SEL1L3: variants seen among roughly 807,000 people sequenced by gnomAD.
The protein encoded by SEL1L3 is protein sel-1 homolog 3.
A neutral mutation model predicts 142.8 loss-of-function variants in SEL1L3; 76 were observed. That is an observed-to-expected ratio of 0.53 (90% confidence interval 0.44 to 0.64). The LOEUF is 0.64. Ranked by LOEUF, SEL1L3 falls within the 30% of genes least tolerant of loss-of-function variation. The pLI, the probability that SEL1L3 is intolerant of heterozygous loss-of-function variation, is 0.00. For synonymous variants in SEL1L3, 504 were observed against 519.6 expected (o/e 0.97, Z 0.41); for missense variants, 1,262 against 1,381.7 (o/e 0.91, Z 1.37).
At chr4:25,745,272 G>C (rs1560268589), downstream of SEL1L3, among the ~76,000 whole-genome samples, 1 of 152,096 alleles carries the variant, frequency 6.6e-6, no homozygotes, top group Non-Finnish European at 1.5e-5. Context: ...GCACATGCCT[G>C]TAATCCCAGC....
At chr4:25,800,809 A>G (rs1227525081) in intron 11 of SEL1L3, among the ~76,000 whole-genome samples, 1 of 152,260 alleles carries the variant, frequency 6.6e-6, no homozygotes, top group Non-Finnish European at 1.5e-5. Context: ...TAGAATGCCT[A>G]CATAGACAGC....
chr4:25,837,397 A>T (rs1307709685), intron 2 of SEL1L3, among the ~76,000 whole-genome samples: 1 of 149,768 alleles, frequency 6.7e-6, no homozygotes, highest in African/African-American at 2.5e-5. Context: ...AATTAAAAAA[A>T]AAAGCTTCAT....
intron 1 of SEL1L3, among the ~76,000 whole-genome samples, chr4:25,853,907 G>T (rs1184522343): frequency 2.0e-5 from 3 of 151,988 alleles, no homozygotes; most frequent in African/African-American, 7.2e-5. Flanking sequence ...CCTGACCTCA[G>T]GTGATCCACC....
the SEL1L3 span, among the ~76,000 whole-genome samples, chr4:25,735,267 ACTCCTAGGT>A: frequency 2.0e-5 from 3 of 151,066 alleles, no homozygotes; most frequent in Admixed American, 6.6e-5. Context: ...TTGTTCCTGG[ACTCCTAGGT>A]TCAAGCAATC....
the SEL1L3 span, chr4:25,718,491 G>A: frequency 5.3e-5 from 8 of 152,140 alleles, no homozygotes; most frequent in East Asian, 1.9e-4. Flanking sequence ...AAGTGAATGC[G>A]CGAGCAATTA....
chr4:25,794,656 C>T (rs563892490), intron 11 of SEL1L3, among the ~76,000 whole-genome samples: 7 of 152,224 alleles, frequency 4.6e-5, no homozygotes, highest in South Asian at 2.1e-4. Context: ...GACAGTGTGA[C>T]GATTCCCCAA....
intron 16 of SEL1L3, among the ~76,000 whole-genome samples, chr4:25,777,428 C>G (rs1326227564): frequency 1.3e-5 from 2 of 151,970 alleles, no homozygotes; most frequent in Non-Finnish European, 2.9e-5. Flanking sequence ...ACTGAACTAA[C>G]AAGCAGAAAA....
At chr4:25,770,498 G>C (rs1254329597) in intron 17 of SEL1L3, 1 of 152,224 alleles carries the variant, frequency 6.6e-6, no homozygotes, top group Non-Finnish European at 1.5e-5. Context: ...CTAGCACTTT[G>C]GGAGGCCAAG....
intron 1 of SEL1L3, among the ~76,000 whole-genome samples, chr4:25,861,237 G>C (rs1490321642): frequency 1.3e-5 from 2 of 152,148 alleles, no homozygotes; most frequent in African/African-American, 2.4e-5. Flanking sequence ...CCTGTGTGTT[G>C]TAACCTTGTG....
At chr4:25,790,928 G>A (rs1005202884) in intron 11 of SEL1L3, among the ~76,000 whole-genome samples, 1 of 152,242 alleles carries the variant, frequency 6.6e-6, no homozygotes, top group Admixed American at 6.5e-5. Flanking sequence ...ATTGAAATAT[G>A]AGGTGTGCCT....
Position 25,833,689 on chromosome 4 carries a change from C to T in SEL1L3, c.861-120G>A, listed in dbSNP as rs908012875. Reference sequence around the variant, plus strand: ...CAATGAATGGATGAATTTGCCTTCGCGTTCATCATGGGAGATCAGCTTGCA... The same window carrying T: ...CAATGAATGGATGAATTTGCCTTCGTGTTCATCATGGGAGATCAGCTTGCA... On this transcript the variant is annotated intron_variant, in intron 3 of 23. Coordinates refer to ENST00000399878, the MANE Select transcript of SEL1L3 (RefSeq NM_015187.5). 1.3e-5 allele frequency: 11 copies of T among 860,576 alleles called. No homozygotes were observed. In the Admixed American group the frequency reaches 1.9e-4, roughly 15 times the overall value. The allele number at this position is 860,576 out of a possible 1,614,324, so 53.3% of individuals were successfully genotyped here.
the SEL1L3 span, among the ~76,000 whole-genome samples, chr4:25,717,771 C>T: frequency 0.015 from 2,337 of 152,204 alleles, 69 homozygotes; most frequent in African/African-American, 0.053. Flanking sequence ...GCACTGTGAC[C>T]CTGGGCAAGT....
At chr4:25,826,389 G>A (rs1484068788) in intron 6 of SEL1L3, among the ~76,000 whole-genome samples, 1 of 152,168 alleles carries the variant, frequency 6.6e-6, no homozygotes. Context: ...ATAAAAAGGA[G>A]GGGTAAGAGC....
intron 11 of SEL1L3, among the ~76,000 whole-genome samples, chr4:25,797,767 A>T (rs1712886226): frequency 6.6e-6 from 1 of 152,228 alleles, no homozygotes; most frequent in Admixed American, 6.5e-5. Flanking sequence ...ACTATGTGTC[A>T]GGCAGAGTGC....
the SEL1L3 span, among the ~76,000 whole-genome samples, chr4:25,741,011 C>A: frequency 1.4e-4 from 21 of 152,200 alleles, 1 homozygote; most frequent in Middle Eastern, 0.01. Flanking sequence ...TCTTGAACTC[C>A]TGACCTCAAG....
At chr4:25,756,617 C>T (rs894438422) in intron 23 of SEL1L3, 18 of 966,256 alleles carry the variant, frequency 1.9e-5, no homozygotes, top group African/African-American at 1.7e-4. Flanking sequence ...TAATGAGTAG[C>T]CAAGCCTGGA....
chr4:25,732,845 G>A, the SEL1L3 span, among the ~76,000 whole-genome samples: 1 of 152,120 alleles, frequency 6.6e-6, no homozygotes, highest in Non-Finnish European at 1.5e-5. Context: ...CCAGGTTCAA[G>A]AAATTCTCCT....
chr4:25,816,135 A>G (rs1156875045), intron 9 of SEL1L3, among the ~76,000 whole-genome samples: 4 of 140,402 alleles, frequency 2.8e-5, no homozygotes, highest in Non-Finnish European at 4.5e-5. Flanking sequence ...ATATTACATA[A>G]TATAATATAC....
chr4:25,741,174 G>A, the SEL1L3 span, among the ~76,000 whole-genome samples: 1 of 150,948 alleles, frequency 6.6e-6, no homozygotes, highest in African/African-American at 2.4e-5. Context: ...GTGCGATCTC[G>A]GCTCACTGCA....
Sources: gnomAD v4.1 joint callset for allele counts (sites outside exome capture counted in the v4.1 genomes callset) on GRCh38, gnomAD v4.1.1 for gene constraint, MANE v1.5 for transcripts, NCBI Gene and HGNC (gene_info 2026-07-23, HGNC 2026-07-21) for gene names.